KIF14: variants seen among roughly 807,000 people sequenced by gnomAD.
The protein encoded by KIF14 is kinesin-like protein KIF14.
KIF14 carries 98 observed loss-of-function variants against 176.2 expected under a neutral mutation model. The ratio of observed to expected loss-of-function variants is 0.56; its 90% CI spans 0.47 to 0.66. The LOEUF is 0.66. Among genes scored for constraint, KIF14 ranks in the 30% least tolerant of loss-of-function variants. The probability of loss-of-function intolerance (pLI) is 0.00; values close to 1 mark genes in which losing one functional copy is unlikely to be tolerated. For missense variants in KIF14, 1,751 were observed against 1,920.4 expected, an observed-to-expected ratio of 0.91 and a Z score of 1.65; for synonymous variants, 566 against 632.2, an observed-to-expected ratio of 0.90 and a Z score of 1.57.
chr1:200,614,017 A>G (rs775877718), intron 4 of KIF14, among the ~76,000 whole-genome samples: 1 of 152,236 alleles, frequency 6.6e-6, no homozygotes, highest in Non-Finnish European at 1.5e-5. Flanking sequence ...CTGACTACAA[A>G]CACACGTATA....
chr1:200,615,334 T>C (rs1376704478), intron 3 of KIF14, 21 bp downstream of exon 3: 17 of 1,599,656 alleles, frequency 1.1e-5, no homozygotes, highest in Non-Finnish European at 1.3e-5. Flanking sequence ...TCTGGATAAT[T>C]GCATTTCCAA....
At chr1:200,587,109 C>G (rs1245502685) in intron 18 of KIF14, among the ~76,000 whole-genome samples, 3 of 152,018 alleles carry the variant, frequency 2.0e-5, no homozygotes, top group African/African-American at 7.2e-5. Context: ...CTCAGATCAT[C>G]AGATATTAGA....
chr1:200,568,551 T>C (rs959875561), intron 23 of KIF14, among the ~76,000 whole-genome samples: 2 of 152,198 alleles, frequency 1.3e-5, no homozygotes, highest in African/African-American at 2.4e-5. Context: ...CTAAGTATAA[T>C]ATGTGTACTG....
rs1266119176 is a variant in KIF14, at chr1:200,567,547, A to AT, written c.3662-1879_3662-1878insA. Among the ~76,000 whole-genome samples the AT allele has an allele frequency of 2.0e-5, 3 of 151,666 alleles. No individual in the cohort carries two copies. In the South Asian group the frequency reaches 6.3e-4, roughly 32 times the overall value. On this transcript the variant is annotated intron_variant, in intron 23 of 29. Transcript: ENST00000367350. ...AGACTCCGTCTAAAAAAAAAAAAAA[A>AT]AGGCTAAAACCAACTGATTATCTAC...
intron 27 of KIF14, among the ~76,000 whole-genome samples, chr1:200,556,221 CT>C (rs1571447229): frequency 6.6e-6 from 1 of 152,122 alleles, no homozygotes; most frequent in East Asian, 1.9e-4. Flanking sequence ...TGCTCAATTT[CT>C]GCCAGGGGAT....
intron 27 of KIF14, among the ~76,000 whole-genome samples, chr1:200,558,890 G>A (rs1432929863): frequency 6.6e-6 from 1 of 152,178 alleles, no homozygotes. Flanking sequence ...ATGCTTATTG[G>A]TTCTGTATCT....
intron 1 of KIF14, among the ~76,000 whole-genome samples, chr1:200,619,212 T>G (rs2102795744): frequency 1.3e-5 from 2 of 152,184 alleles, no homozygotes; most frequent in Middle Eastern, 6.8e-3. Context: ...TTCAAGTACT[T>G]CCAGTGTGGG....
Position 200,553,545 on chromosome 1 carries a change from T to C in KIF14, c.4790A>G (p.Tyr1597Cys), listed in dbSNP as rs1656666220. The change falls in exon 30 of 30, where the codon TAT (tyrosine) becomes TGT (cysteine). Residue 1597 changes from tyrosine (Y) to cysteine (C), a missense_variant. Coordinates refer to ENST00000367350, the MANE Select transcript of KIF14 (RefSeq NM_014875.3). ...SPDLLKPWET[Y>C]NQNTKEEHQQ... is the part of the protein sequence containing the mutation. ...GTGTTCTTCTTTGGTATTTTGATTATAAGTTTCCCAGGGTTTCAACAAATC... is the reference window on the plus strand; with the variant it reads ...GTGTTCTTCTTTGGTATTTTGATTACAAGTTTCCCAGGGTTTCAACAAATC... 6 of 1,614,014 alleles carry C rather than the reference T, an allele frequency of 3.7e-6. No individual in the cohort carries two copies. The highest frequency in any genetic ancestry group is 1.3e-5 in the African/African-American group (1 of 74,904).
intron 22 of KIF14, among the ~76,000 whole-genome samples, chr1:200,572,221 G>A (rs542795275): frequency 4.6e-5 from 7 of 152,270 alleles, no homozygotes; most frequent in South Asian, 2.1e-4. Flanking sequence ...ATCCAATTTC[G>A]AAATCTTAGA....
chr1:200,606,370 T>C (rs1378047420), intron 6 of KIF14, among the ~76,000 whole-genome samples: 2 of 152,188 alleles, frequency 1.3e-5, no homozygotes, highest in Non-Finnish European at 2.9e-5. Flanking sequence ...CTCTTCTTAG[T>C]ACCCTCTTCC....
In KIF14 at chr1:200,596,527, T is replaced by C. The variant is rs560044413; in HGVS notation, c.2549+1710A>G. ...AACTTCAAAACATCTAGAAGAAAAT[T>C]TAGAACATCTCTATGACCTCAATGT... is the stretch of plus-strand genomic sequence containing the variant. On this transcript the variant is annotated intron_variant, in intron 14 of 29. Coordinates refer to ENST00000367350, the MANE Select transcript of KIF14 (RefSeq NM_014875.3). 9.9e-4 allele frequency among the ~76,000 whole-genome samples: 150 copies of C among 151,346 alleles called. 2 individuals carry two copies. The highest frequency in any genetic ancestry group is 3.5e-3 in the African/African-American group (146 of 41,304).
rs375732667 is a variant in KIF14 at position 200,593,712 on chromosome 1, T to C, written c.2607A>G (p.Thr869=). The C allele has an allele frequency of 7.1e-5, 115 of 1,612,922 alleles. No homozygotes were observed. The highest frequency in any genetic ancestry group is 8.9e-5 in the Non-Finnish European group (105 of 1,179,274). The change falls in exon 15 of 30, where the codon ACA becomes ACG. Residue 869 remains threonine, a synonymous_variant. Transcript: ENST00000367350. The part of the protein sequence containing the change: ...VSIIPVGEAK[T]YVNGKHILEI... ...CCAAAATATGTTTTCCATTTACATA[T>C]GTCTTTGCTTCCCCAACTGGGATAA...
intron 14 of KIF14, 49 bp downstream of exon 14, chr1:200,598,188 C>A (rs761779799): frequency 1.3e-6 from 2 of 1,497,122 alleles, no homozygotes; most frequent in East Asian, 2.3e-5. Flanking sequence ...CACATGTTAT[C>A]AAGATATAGA....
intron 11 of KIF14, among the ~76,000 whole-genome samples, 154 bp downstream of exon 11, chr1:200,601,742 C>T (rs1659636994): frequency 6.6e-6 from 1 of 152,146 alleles, no homozygotes; most frequent in African/African-American, 2.4e-5. Flanking sequence ...TTCTACCTAT[C>T]ATCCTCCATC....
At chr1:200,553,839 ACT>A in intron 29 of KIF14, 72 bp from the exon 30 acceptor site, 1 of 1,392,006 alleles carries the variant, frequency 7.2e-7, no homozygotes, top group Non-Finnish European at 9.7e-7. Context: ...ACTTTTATAG[ACT>A]CTAGATATCT....
chr1:200,587,176 G>A (rs777561462), intron 18 of KIF14, among the ~76,000 whole-genome samples: 2 of 152,118 alleles, frequency 1.3e-5, no homozygotes, highest in Non-Finnish European at 2.9e-5. Flanking sequence ...TGGTACAATG[G>A]ACATTGAAGA....
intron 16 of KIF14, among the ~76,000 whole-genome samples, chr1:200,591,467 C>T (rs1659047955): frequency 6.6e-6 from 1 of 152,208 alleles, no homozygotes; most frequent in Non-Finnish European, 1.5e-5. Context: ...GCTCAAAATT[C>T]TTTAATGTTT....
At chr1:200,554,963 G>A (rs1656755021) in intron 28 of KIF14, among the ~76,000 whole-genome samples, 1 of 152,028 alleles carries the variant, frequency 6.6e-6, no homozygotes, top group South Asian at 2.1e-4. Flanking sequence ...TCAAGCCATA[G>A]CAATTACTCT....
At chr1:200,576,030 T>C (rs1349353604) in intron 21 of KIF14, among the ~76,000 whole-genome samples, 1 of 152,198 alleles carries the variant, frequency 6.6e-6, no homozygotes, top group Non-Finnish European at 1.5e-5. Flanking sequence ...ATGTAGTCAC[T>C]TCCTGGTCGA....
Sources: allele counts gnomAD v4.1 joint callset (sites outside exome capture counted in the v4.1 genomes callset), GRCh38; gene constraint gnomAD v4.1.1; transcripts MANE v1.5; gene names NCBI Gene and HGNC (gene_info 2026-07-23, HGNC 2026-07-21).